Variants in GAB2 observed in about 807,000 individuals in gnomAD.
GAB2 encodes GRB2 associated binding protein 2, also known as GRB2-associated-binding protein 2.
In GAB2, 26 loss-of-function variants were observed where a neutral mutation model predicts 65.5. The ratio of observed to expected loss-of-function variants is 0.40; its 90% CI spans 0.29 to 0.55. The LOEUF is 0.55. Ranked by LOEUF, GAB2 falls within the 20% of genes least tolerant of loss-of-function variation. The probability of loss-of-function intolerance (pLI) is 0.53; values close to 1 mark genes in which losing one functional copy is unlikely to be tolerated. For missense variants in GAB2, 884 were observed against 875.8 expected (o/e 1.01, Z -0.12); for synonymous variants, 321 against 329.6 (o/e 0.97, Z 0.28).
intron 1 of GAB2, among the ~76,000 whole-genome samples, chr11:78,311,459 T>G (rs1855498015): frequency 6.6e-6 from 1 of 152,110 alleles, no homozygotes; most frequent in Non-Finnish European, 1.5e-5. Context: ...AAAGTTCTAT[T>G]ACAGAAAAGG....
At chr11:78,301,465 GA>G (rs993281758) in intron 1 of GAB2, among the ~76,000 whole-genome samples, 2 of 151,938 alleles carry the variant, frequency 1.3e-5, no homozygotes, top group African/African-American at 4.8e-5. Context: ...GAGCAGCTGG[GA>G]TTACAGGCAC....
rs1491548868 is a variant in GAB2, at chr11:78,346,721, A to ATATATAT, written c.76-65821_76-65820insATATATA. On this transcript the variant is annotated intron_variant, in intron 1 of 9. Coordinates refer to ENST00000361507, the MANE Select transcript of GAB2 (RefSeq NM_080491.3). ...TATATATATATATATATATATATAT[A>ATATATAT]ATTTTTTTTTTTTTTAGGAAAAGAA... Among the ~76,000 whole-genome samples, 81 of 34,500 alleles carry ATATATAT rather than the reference A, an allele frequency of 2.3e-3. 1 individual carries two copies. Among genetic ancestry groups the ATATATAT allele is most frequent in the East Asian group, 7.4e-3 (7 of 952 alleles). 22.6% of individuals were successfully genotyped at this position (34,500 alleles called of 152,430 possible).
rs113642489 is a variant in GAB2, at chr11:78,250,761, C to G, written c.377-361G>C. On this transcript the variant is annotated intron_variant, in intron 2 of 9. Transcript: ENST00000361507. ...CGACCACCTTCCCACTCTTTGGTGGCGCCTGCTGTGGTCAAAGGATGAAAT... is the reference window on the plus strand; with the variant it reads ...CGACCACCTTCCCACTCTTTGGTGGGGCCTGCTGTGGTCAAAGGATGAAAT... 4.6e-5 allele frequency among the ~76,000 whole-genome samples: 7 copies of G among 152,300 alleles called. 1 individual carries two copies. The highest frequency in any genetic ancestry group is 1.7e-4 in the African/African-American group (7 of 41,556).
intron 1 of GAB2, among the ~76,000 whole-genome samples, chr11:78,284,398 TCTCA>T (rs1284964899): frequency 1.3e-5 from 2 of 152,218 alleles, no homozygotes; most frequent in African/African-American, 4.8e-5. Flanking sequence ...TGGCTGTTCA[TCTCA>T]CTCAGAGTAA....
intron 2 of GAB2, among the ~76,000 whole-genome samples, chr11:78,264,531 G>C (rs905530436): frequency 1.3e-5 from 2 of 151,872 alleles, no homozygotes; most frequent in Admixed American, 6.6e-5. Flanking sequence ...CTCCTGAGTA[G>C]CTGGGACTAC....
At chr11:78,314,023 C>T (rs1855551991) in intron 1 of GAB2, among the ~76,000 whole-genome samples, 3 of 152,192 alleles carry the variant, frequency 2.0e-5, no homozygotes, top group Admixed American at 6.5e-5. Flanking sequence ...CTGGGTTATT[C>T]AGCTAGTTAG....
chr11:78,350,848 C>T (rs867000164), intron 1 of GAB2, among the ~76,000 whole-genome samples: 12 of 152,202 alleles, frequency 7.9e-5, no homozygotes, highest in African/African-American at 2.7e-4. Flanking sequence ...AAACTATGCT[C>T]TGCCAAGTTG....
At chr11:78,372,605 G>C (rs548630463) in intron 1 of GAB2, among the ~76,000 whole-genome samples, 20 of 152,202 alleles carry the variant, frequency 1.3e-4, no homozygotes, top group Non-Finnish European at 2.2e-4. Flanking sequence ...AAAATAGAGA[G>C]GCATGGTATG....
chr11:78,217,936 G>A lies in GAB2; in HGVS notation c.*1336C>T, dbSNP rs960244157. ...CATCATTCTGCCCTGCTTTCTCCTT[G>A]TCCTGCCTGACCCACTGTCCCATCC... On this transcript the variant is annotated 3_prime_UTR_variant, in exon 10 of 10. Transcript: ENST00000361507. The A allele has an allele frequency of 2.6e-5, 4 of 152,622 alleles. No homozygotes were observed. The highest frequency in any genetic ancestry group is 9.7e-5 in the African/African-American group (4 of 41,380). The allele number at this position is 152,622 out of a possible 1,614,324, so 9.5% of individuals were successfully genotyped here.
intron 1 of GAB2, among the ~76,000 whole-genome samples, chr11:78,395,156 T>TA (rs540554006): frequency 5.8e-4 from 87 of 150,878 alleles, no homozygotes; most frequent in Admixed American, 1.1e-3. Flanking sequence ...GGAAGAGGAG[T>TA]AAAAAAAATC....
chr11:78,258,824 G>C (rs528916784), intron 2 of GAB2, among the ~76,000 whole-genome samples: 26 of 151,506 alleles, frequency 1.7e-4, no homozygotes, highest in Non-Finnish European at 3.2e-4. Flanking sequence ...CCATATATAG[G>C]GTACCCTTTT....
chr11:78,344,099 C>G (rs564569894), intron 1 of GAB2, among the ~76,000 whole-genome samples: 8 of 152,252 alleles, frequency 5.3e-5, no homozygotes, highest in Admixed American at 2.0e-4. Flanking sequence ...CCTGTGTACT[C>G]TTTCTGAACA....
intron 1 of GAB2, among the ~76,000 whole-genome samples, chr11:78,317,517 G>A (rs988878587): frequency 5.5e-5 from 7 of 126,856 alleles, no homozygotes; most frequent in African/African-American, 2.2e-4. Flanking sequence ...CTGAGATGGC[G>A]CCACTGCACT....
intron 2 of GAB2, among the ~76,000 whole-genome samples, chr11:78,278,666 A>T (rs1366798355): frequency 1.3e-5 from 2 of 151,450 alleles, no homozygotes; most frequent in African/African-American, 4.9e-5. Flanking sequence ...GGCGTGAAAC[A>T]CTGTGCCCAG....
At chr11:78,308,687 C>T (rs1240508107) in intron 1 of GAB2, among the ~76,000 whole-genome samples, 1 of 152,132 alleles carries the variant, frequency 6.6e-6, no homozygotes, top group Non-Finnish European at 1.5e-5. Context: ...TGAGAATACA[C>T]ATACTTATGG....
intron 3 of GAB2, among the ~76,000 whole-genome samples, chr11:78,229,068 T>C: frequency 6.6e-6 from 1 of 152,148 alleles, no homozygotes; most frequent in Admixed American, 6.5e-5. Context: ...GGGCAGGAGA[T>C]GACATGGATG....
chr11:78,225,148 C>A lies in GAB2; in HGVS notation c.1262G>T (p.Arg421Leu). The A allele has an allele frequency of 6.2e-7, 1 of 1,613,590 alleles. No individual in the cohort carries two copies. The highest frequency in any genetic ancestry group is 8.5e-7 in the Non-Finnish European group (1 of 1,179,510). Reference protein sequence around the residue: ...YPQRGGESAGRSAESMSDGVG... With the variant: ...YPQRGGESAGLSAESMSDGVG... Reference sequence around the variant, plus strand: ...TCCATCACTCATGGATTCAGCAGACCGGCCTGCACTCTCTCCACCACGCTG... The same window carrying A: ...TCCATCACTCATGGATTCAGCAGACAGGCCTGCACTCTCTCCACCACGCTG... Residue 421 changes from arginine to leucine, a missense_variant, in exon 5 of 10, where the codon CGG becomes CTG. Transcript: ENST00000361507.
intron 3 of GAB2, among the ~76,000 whole-genome samples, chr11:78,243,923 T>C (rs1163294315): frequency 6.6e-6 from 1 of 152,080 alleles, no homozygotes; most frequent in Admixed American, 6.5e-5. Flanking sequence ...GATAAATTCC[T>C]GGACAAACAC....
At chr11:78,383,249 G>T (rs889703253) in intron 1 of GAB2, among the ~76,000 whole-genome samples, 5 of 152,032 alleles carry the variant, frequency 3.3e-5, no homozygotes, top group African/African-American at 1.2e-4. Context: ...TCCAGACTGG[G>T]CAACAAGAGC....
Sources: gnomAD v4.1 joint callset for allele counts (sites outside exome capture counted in the v4.1 genomes callset) on GRCh38, gnomAD v4.1.1 for gene constraint, MANE v1.5 for transcripts, NCBI Gene and HGNC (gene_info 2026-07-23, HGNC 2026-07-21) for gene names.